The following SNX25 variants were observed in gnomAD, a reference collection of about 807,000 sequenced individuals.
SNX25 encodes the protein sorting nexin 25.
A neutral mutation model predicts 113.7 loss-of-function variants in SNX25; 62 were observed. The observed-to-expected ratio is 0.55, with a 90% CI of 0.44 to 0.67. The LOEUF (loss-of-function observed/expected upper bound fraction) is 0.67, where lower values mean the gene tolerates loss of function less well. SNX25 is among the 30% of genes least tolerant of loss of function. The pLI is 0.00. For synonymous variants in SNX25, 421 were observed against 436.2 expected (o/e 0.97, Z 0.43); for missense variants, 1,014 against 1,161.0 (o/e 0.87, Z 1.84).
chr4:185,312,489 A>G (rs938087540), intron 7 of SNX25, among the ~76,000 whole-genome samples: 2 of 151,542 alleles, frequency 1.3e-5, no homozygotes, highest in Non-Finnish European at 2.9e-5. Context: ...CTAGAAGTAG[A>G]CTTAACCCAG....
At chr4:185,298,107 G>C (rs868076734) in intron 6 of SNX25, among the ~76,000 whole-genome samples, 1 of 52,542 alleles carries the variant, frequency 1.9e-5, no homozygotes, top group African/African-American at 6.6e-5. Flanking sequence ...TTTTTTTTTT[G>C]AGATGGAGTC....
chr4:185,375,612 C>T, the SNX25 span: 3 of 1,535,256 alleles, frequency 2.0e-6, no homozygotes, highest in African/African-American at 1.4e-5. Context: ...CATTAACTTA[C>T]AGCGTCTAGA....
chr4:185,298,602 G>A (rs1008462365), intron 6 of SNX25, among the ~76,000 whole-genome samples: 2 of 152,082 alleles, frequency 1.3e-5, no homozygotes, highest in African/African-American at 4.8e-5. Flanking sequence ...GTCACTGGCT[G>A]TATTTTCAGC....
chr4:185,332,992 C>A (rs2095206239), intron 10 of SNX25, among the ~76,000 whole-genome samples: 1 of 152,200 alleles, frequency 6.6e-6, no homozygotes, highest in Non-Finnish European at 1.5e-5. Flanking sequence ...TTTACATCTG[C>A]TTTGCCTACA....
At chr4:185,245,900 T>G (rs1407164062) in intron 1 of SNX25, among the ~76,000 whole-genome samples, 4 of 152,240 alleles carry the variant, frequency 2.6e-5, no homozygotes, top group African/African-American at 4.8e-5. Context: ...CAATTTTTTT[T>G]GCCCCTATAA....
intron 6 of SNX25, among the ~76,000 whole-genome samples, chr4:185,293,156 T>C (rs974025669): frequency 6.6e-6 from 1 of 152,198 alleles, no homozygotes; most frequent in Non-Finnish European, 1.5e-5. Context: ...TAAGAACTGT[T>C]GGTGAGGATA....
At chr4:185,290,684 A>C (rs1467088180) in intron 6 of SNX25, among the ~76,000 whole-genome samples, 1 of 152,262 alleles carries the variant, frequency 6.6e-6, no homozygotes, top group Non-Finnish European at 1.5e-5. Flanking sequence ...ATTTACTCTT[A>C]ATACGGTGTA....
intron 2 of SNX25, among the ~76,000 whole-genome samples, chr4:185,252,286 T>C (rs894595329): frequency 2.6e-5 from 4 of 152,306 alleles, no homozygotes; most frequent in South Asian, 2.1e-4. Flanking sequence ...AGAAAATCTT[T>C]AGTGGTTATA....
intron 5 of SNX25, among the ~76,000 whole-genome samples, chr4:185,285,736 C>T (rs1340100774): frequency 1.3e-5 from 2 of 152,104 alleles, no homozygotes; most frequent in Admixed American, 1.3e-4. Context: ...ACCCTGAACT[C>T]CTCCCGTCTT....
intron 17 of SNX25, chr4:185,362,373 A>G: frequency 2.0e-6 from 2 of 975,780 alleles, no homozygotes; most frequent in Non-Finnish European, 2.4e-6. Flanking sequence ...TTTTAGCAAA[A>G]TATTAACATT....
Position 185,346,537 on chromosome 4 carries a change from T to C in SNX25, c.2188T>C (p.Cys730Arg). The C allele has an allele frequency of 6.3e-7, 1 of 1,578,696 alleles. No individual in the cohort carries two copies. Among genetic ancestry groups the C allele is most frequent in the Non-Finnish European group, 8.6e-7 (1 of 1,161,436 alleles). Residue 730 changes from cysteine to arginine, a missense_variant and splice_region_variant, in exon 13 of 19, where the codon TGC (cysteine) becomes CGC (arginine). Coordinates refer to ENST00000652585, the MANE Select transcript of SNX25 (RefSeq NM_001378034.2). ...AACATTTCATTTTTTCCCCCCACAG[T>C]GCGTCCCTTCTTTAAAAAAAGTCCA... is the stretch of plus-strand genomic sequence containing the variant. ...FQNLHRKLSE[C>R]VPSLKKVQLP...
Position 185,209,941 on chromosome 4 carries a change from G to T in SNX25, c.115G>T (p.Gly39Trp). 1 of 983,700 alleles carries T rather than the reference G, an allele frequency of 1.0e-6. No individual in the cohort carries two copies. Among genetic ancestry groups the T allele is most frequent in the South Asian group, 4.6e-5 (1 of 21,586 alleles). 60.9% of individuals were successfully genotyped at this position (983,700 alleles called of 1,614,324 possible). A position where few individuals can be genotyped will look rare whatever the true frequency, so the allele number is the denominator to read the frequency against. ...FRGERRPESP[G>W]DAEAAAAAAP... ...GGGCGAGCGGCGGCCGGAGTCCCCG[G>T]GGGACGCGGAGGCAGCAGCAGCGGC... The change falls in exon 1 of 19, where the codon GGG (glycine) becomes TGG (tryptophan). Residue 39 changes from glycine to tryptophan, a missense_variant. Physicochemically the swap from Gly to Trp is radical, Grantham distance 184. Coordinates refer to ENST00000652585, the MANE Select transcript of SNX25 (RefSeq NM_001378034.2). This position sits in a 1 kb window ranked among gnomAD's most constrained non-coding sequence, Gnocchi z 5.2.
intron 1 of SNX25, among the ~76,000 whole-genome samples, chr4:185,227,114 A>T (rs929381011): frequency 1.3e-5 from 2 of 152,202 alleles, no homozygotes; most frequent in African/African-American, 4.8e-5. Context: ...AGAAGAAGAA[A>T]GTCCCTTTTT....
At chr4:185,271,087 G>T (rs112409732) in intron 5 of SNX25, among the ~76,000 whole-genome samples, 165 of 152,222 alleles carry the variant, frequency 1.1e-3, no homozygotes, top group African/African-American at 3.7e-3. Flanking sequence ...CGTACCCACC[G>T]CTGCCAAGGA....
At chr4:185,373,051 C>T (rs753559461), downstream of SNX25, 1 of 1,610,160 alleles carries the variant, frequency 6.2e-7, no homozygotes, top group Non-Finnish European at 8.5e-7. Flanking sequence ...ATTCCCATTG[C>T]CACATGCTTC....
Position 185,209,818 on chromosome 4 carries a change from G to A in SNX25, c.-9G>A. The A allele has an allele frequency of 1.0e-6, 1 of 983,786 alleles. No homozygotes were observed. The highest frequency in any genetic ancestry group is 1.2e-6 in the Non-Finnish European group (1 of 829,324). The allele number at this position is 983,786 out of a possible 1,614,324, so 60.9% of individuals were successfully genotyped here. A position where few individuals can be genotyped will look rare whatever the true frequency, so the allele number is the denominator to read the frequency against. ...AGATGTGCCTGTCCTTAGCGGCCCAGGAAGCAGCATGCACCCCGATGCGAC... is the reference window on the plus strand; with the variant it reads ...AGATGTGCCTGTCCTTAGCGGCCCAAGAAGCAGCATGCACCCCGATGCGAC... On this transcript the variant is annotated 5_prime_UTR_variant, in exon 1 of 19. Transcript: ENST00000652585. The surrounding 1 kb of genome is among the most constrained non-coding windows in gnomAD (Gnocchi z 5.2).
chr4:185,294,056 G>C (rs1194611445), intron 6 of SNX25, among the ~76,000 whole-genome samples: 2 of 152,164 alleles, frequency 1.3e-5, no homozygotes, highest in Non-Finnish European at 2.9e-5. Context: ...CCTGCTTAGC[G>C]ACTCGCGGAA....
chr4:185,213,034 C>A (rs1738193086), intron 1 of SNX25, among the ~76,000 whole-genome samples: 1 of 152,158 alleles, frequency 6.6e-6, no homozygotes, highest in African/African-American at 2.4e-5. Flanking sequence ...ACTAGAGAAA[C>A]CTCACTGAAA....
At chr4:185,302,569 T>C (rs886488415) in intron 6 of SNX25, among the ~76,000 whole-genome samples, 4 of 152,280 alleles carry the variant, frequency 2.6e-5, no homozygotes, top group Middle Eastern at 3.4e-3. Flanking sequence ...AAAAATGCAG[T>C]TGGAGTTGGG....
Sources: gnomAD v4.1 joint callset for allele counts (sites outside exome capture counted in the v4.1 genomes callset) on GRCh38, gnomAD v4.1.1 for gene constraint, Gnocchi (gnomAD v3.1) non-coding constraint, MANE v1.5 for transcripts, NCBI Gene and HGNC (gene_info 2026-07-23, HGNC 2026-07-21) for gene names.